Variants in FSHR observed in about 807,000 individuals in gnomAD.
FSHR encodes the protein follicle stimulating hormone receptor.
A neutral mutation model predicts 52.1 loss-of-function variants in FSHR; 46 were observed. That is an observed-to-expected ratio of 0.88 (90% CI 0.70 to 1.13). The LOEUF is 1.13. Ranked by LOEUF, FSHR falls within the 50% of genes most tolerant of loss-of-function variation. The probability of loss-of-function intolerance (pLI) is 0.00; values close to 1 mark genes in which losing one functional copy is unlikely to be tolerated. For missense variants in FSHR, 964 were observed against 834.6 expected, an observed-to-expected ratio of 1.16 and a Z score of -1.91; for synonymous variants, 399 against 309.6, an observed-to-expected ratio of 1.29 and a Z score of -3.03.
chr2:49,017,456 A>T (rs748145877), intron 4 of FSHR, 33 bp downstream of exon 4: 1 of 1,518,002 alleles, frequency 6.6e-7, no homozygotes, highest in Non-Finnish European at 9.1e-7. Context: ...CTATTTAATC[A>T]TAGTGGGGGT....
rs1271813762 is a variant in FSHR, at chr2:48,962,630, A to G, written c.*103T>C. The G allele has an allele frequency of 1.7e-6, 2 of 1,186,052 alleles. No individual in the cohort carries two copies. Among genetic ancestry groups the G allele is most frequent in the South Asian group, 2.6e-5 (2 of 78,364 alleles). 73.5% of individuals were successfully genotyped at this position (1,186,052 alleles called of 1,614,324 possible). ...CTTAAAGGTATGCCAGGAATATTAA[A>G]TTAGATGAAATGTGTAGAAGCACTG... On this transcript the variant is annotated 3_prime_UTR_variant, in exon 10 of 10. Coordinates refer to ENST00000406846, the MANE Select transcript of FSHR (RefSeq NM_000145.4).
At chr2:49,153,474 G>A (rs867656125) in intron 1 of FSHR, among the ~76,000 whole-genome samples, 2 of 152,068 alleles carry the variant, frequency 1.3e-5, no homozygotes, top group Non-Finnish European at 2.9e-5. Flanking sequence ...CAAAAGGCCC[G>A]ATTTCTACTT....
At chr2:49,023,411 C>T (rs879799205) in intron 2 of FSHR, among the ~76,000 whole-genome samples, 20 of 152,170 alleles carry the variant, frequency 1.3e-4, no homozygotes, top group Non-Finnish European at 7.4e-5. Context: ...CTATGAATAT[C>T]ATCACTAAAC....
At chr2:49,067,908 G>A (rs2103617738) in intron 2 of FSHR, among the ~76,000 whole-genome samples, 1 of 151,926 alleles carries the variant, frequency 6.6e-6, no homozygotes, top group East Asian at 1.9e-4. Context: ...AAAGAGAGTG[G>A]ATGTCTGCAG....
chr2:49,018,371 C>T (rs954518616), intron 3 of FSHR, among the ~76,000 whole-genome samples: 2 of 152,202 alleles, frequency 1.3e-5, no homozygotes, highest in Non-Finnish European at 2.9e-5. Context: ...TGTAGACATG[C>T]TCTCTGTTAG....
intron 2 of FSHR, among the ~76,000 whole-genome samples, chr2:49,063,496 G>C (rs981085733): frequency 2.0e-5 from 3 of 152,060 alleles, no homozygotes; most frequent in Non-Finnish European, 2.9e-5. Flanking sequence ...TGATGAAAGG[G>C]AGCAAAATTC....
At chr2:49,021,886 T>TAGAGAGAGAG (rs58926557) in intron 2 of FSHR, among the ~76,000 whole-genome samples, 24 of 25,094 alleles carry the variant, frequency 9.6e-4, no homozygotes, top group East Asian at 2.7e-3. Context: ...TATATATATA[T>TAGAGAGAGAG]AGAGAGAGAG....
chr2:49,052,771 C>T (rs987001127), intron 2 of FSHR, among the ~76,000 whole-genome samples: 37 of 152,186 alleles, frequency 2.4e-4, no homozygotes, highest in Non-Finnish European at 7.4e-5. Flanking sequence ...ACCATTAACT[C>T]TCAGAATCAC....
intron 1 of FSHR, among the ~76,000 whole-genome samples, chr2:49,104,394 T>G (rs1268779771): frequency 2.6e-5 from 4 of 152,096 alleles, no homozygotes; most frequent in Admixed American, 2.6e-4. Flanking sequence ...AAGAGTTTCC[T>G]TTGTTCGGTC....
Position 49,017,532 on chromosome 2 carries a change from T to G in FSHR, c.331A>C (p.Ile111Leu). The change falls in exon 4 of 10, where the codon ATC becomes CTC. Residue 111 changes from isoleucine to leucine, a missense_variant. By Grantham distance (5) the Ile-to-Leu change is conservative. Coordinates refer to ENST00000406846, the MANE Select transcript of FSHR (RefSeq NM_000145.4). ...RIEKANNLLY[I>L]NPEAFQNLPN... ...AGGTTCTGGAAGGCCTCAGGGTTGA[T>G]GTAGAGCAGGTTGTTGGCCTTTTCA... The G allele has an allele frequency of 2.5e-6, 4 of 1,613,600 alleles. No homozygotes were observed. Among genetic ancestry groups the G allele is most frequent in the Non-Finnish European group, 3.4e-6 (4 of 1,179,678 alleles).
At chr2:48,979,135 C>G (rs1259652477) in intron 8 of FSHR, among the ~76,000 whole-genome samples, 1 of 151,320 alleles carries the variant, frequency 6.6e-6, no homozygotes, top group African/African-American at 2.5e-5. Flanking sequence ...CAACCCTGAC[C>G]TACTGAATCA....
rs1248277413 is a variant in FSHR at position 49,098,790 on chromosome 2, AAT to A, written c.153-30502_153-30501del. On this transcript the variant is annotated intron_variant, in intron 1 of 9. Coordinates refer to ENST00000406846, the MANE Select transcript of FSHR (RefSeq NM_000145.4). ...TGTATTTATATTATATACTTATAAT[AAT>A]ATATATTTATAATATGTATACTTAT... is the stretch of plus-strand genomic sequence containing the variant. Among the ~76,000 whole-genome samples, 4 of 147,064 alleles carry A rather than the reference AAT, an allele frequency of 2.7e-5. 1 individual carries two copies. The highest frequency in any genetic ancestry group is 9.9e-5 in the African/African-American group (4 of 40,490).
chr2:49,011,918 A>G (rs532179621), intron 4 of FSHR, among the ~76,000 whole-genome samples: 2 of 152,208 alleles, frequency 1.3e-5, no homozygotes, highest in South Asian at 4.2e-4. Flanking sequence ...AACACAGAAA[A>G]GAGAGAGAGG....
At chr2:49,020,309 G>T in intron 2 of FSHR, 149 bp from the exon 3 acceptor site, 4 of 722,194 alleles carry the variant, frequency 5.5e-6, no homozygotes, top group Non-Finnish European at 9.9e-6. Context: ...GTAGTAATAA[G>T]GCAAAACTAA....
At chr2:49,102,899 C>T (rs1671086260) in intron 1 of FSHR, among the ~76,000 whole-genome samples, 1 of 152,084 alleles carries the variant, frequency 6.6e-6, no homozygotes, top group Admixed American at 6.6e-5. Context: ...GATGGAAAGG[C>T]ATCCTTGAAA....
intron 1 of FSHR, among the ~76,000 whole-genome samples, chr2:49,084,779 C>T (rs891780126): frequency 1.1e-3 from 165 of 152,270 alleles, no homozygotes; most frequent in African/African-American, 3.9e-3. Flanking sequence ...CATACACTCT[C>T]CCAAGACTAA....
chr2:49,062,128 CA>C (rs1451150312), intron 2 of FSHR, among the ~76,000 whole-genome samples: 1 of 151,778 alleles, frequency 6.6e-6, no homozygotes, highest in Non-Finnish European at 1.5e-5. Flanking sequence ...CAACCCTGAG[CA>C]AAAAGAATAA....
intron 2 of FSHR, among the ~76,000 whole-genome samples, chr2:49,035,834 C>T (rs192294877): frequency 4.9e-4 from 75 of 152,264 alleles, no homozygotes; most frequent in Non-Finnish European, 8.7e-4. Flanking sequence ...ATGAAAATTT[C>T]AAGCACTCTG....
rs537271082 is a variant in FSHR, at chr2:49,087,065, G to A, written c.153-18775C>T. ...GCTCAGTAGTTGAGGGACCCTGTGG[G>A]CAGGGTTTTTTTTTTTTTTTTTTTT... On this transcript the variant is annotated intron_variant, in intron 1 of 9. Transcript: ENST00000406846. Among the ~76,000 whole-genome samples, 87 of 109,560 alleles carry A rather than the reference G, an allele frequency of 7.9e-4. No individual in the cohort carries two copies. In the Middle Eastern group the frequency reaches 0.015, roughly 19 times the overall value. The allele number at this position is 109,560 out of a possible 152,430, so 71.9% of individuals were successfully genotyped here. A position where few individuals can be genotyped will look rare whatever the true frequency, so the allele number is the denominator to read the frequency against.
Sources: allele counts gnomAD v4.1 joint callset (sites outside exome capture counted in the v4.1 genomes callset), GRCh38; gene constraint gnomAD v4.1.1; transcripts MANE v1.5; gene names NCBI Gene and HGNC (gene_info 2026-07-23, HGNC 2026-07-21).